Variants in SLCO1B1 observed in about 807,000 individuals in gnomAD.
The protein encoded by SLCO1B1 is solute carrier organic anion transporter family member 1B1.
SLCO1B1 carries 81 observed loss-of-function variants against 70.1 expected under a neutral mutation model. That is an observed-to-expected ratio of 1.16 (90% CI 0.97 to 1.39). The LOEUF (loss-of-function observed/expected upper bound fraction) is 1.39. Among genes scored for constraint, SLCO1B1 ranks in the 40% most tolerant of loss-of-function variants. SLCO1B1 has a pLI of 0.00. For missense variants in SLCO1B1, 895 were observed against 799.6 expected (o/e 1.12, Z -1.44); for synonymous variants, 283 against 271.5 (o/e 1.04, Z -0.42).
intron 7 of SLCO1B1, among the ~76,000 whole-genome samples, chr12:21,190,797 C>T (rs1213704558): frequency 3.3e-5 from 5 of 152,092 alleles, no homozygotes; most frequent in Admixed American, 6.6e-5. Flanking sequence ...TGAGTTACTT[C>T]ACTTAGAATA....
In SLCO1B1 at chr12:21,171,817, G is replaced by T. The variant is rs913396796; in HGVS notation, c.85-833G>T. 2.0e-5 allele frequency among the ~76,000 whole-genome samples: 3 copies of T among 152,104 alleles called. No homozygotes were observed. In the South Asian group the frequency reaches 6.2e-4, roughly 32 times the overall value. ...GTTTCCAGAAGGCCATATCCTCATTGTGTCATCACTTGGGGGTAGGGGAGA... is the reference window on the plus strand; with the variant it reads ...GTTTCCAGAAGGCCATATCCTCATTTTGTCATCACTTGGGGGTAGGGGAGA... On this transcript the variant is annotated intron_variant, in intron 2 of 14. Transcript: ENST00000256958.
chr12:21,232,715 A>AAGACAGAG (rs201999189), intron 14 of SLCO1B1, among the ~76,000 whole-genome samples: 2 of 150,108 alleles, frequency 1.3e-5, no homozygotes, highest in Non-Finnish European at 3.0e-5. Flanking sequence ...GAGAGACAGA[A>AAGACAGAG]AGACAGAGAG....
At chr12:21,207,618 T>C (rs1378307571) in intron 11 of SLCO1B1, among the ~76,000 whole-genome samples, 1 of 152,044 alleles carries the variant, frequency 6.6e-6, no homozygotes, top group African/African-American at 2.4e-5. Flanking sequence ...TAAGTAGATG[T>C]GTTTTTGGTA....
chr12:21,136,431 A>T (rs1300608553), intron 1 of SLCO1B1, among the ~76,000 whole-genome samples: 2 of 152,136 alleles, frequency 1.3e-5, no homozygotes, highest in Non-Finnish European at 2.9e-5. Flanking sequence ...AGTGTTTTCC[A>T]ACTTGGTTCC....
In SLCO1B1 at chr12:21,173,358, G is replaced by C. The variant is rs529076276; in HGVS notation, c.226+567G>C. Among the ~76,000 whole-genome samples, 4 of 151,966 alleles carry C rather than the reference G, an allele frequency of 2.6e-5. No homozygotes were observed. The East Asian group carries it at 5.8e-4, about 22-fold the overall frequency. On this transcript the variant is annotated intron_variant, in intron 3 of 14. Transcript: ENST00000256958. ...TTTCCCTATTAGTAATTTTTTTCTAGATAATTTATAAGATGAATATTAAAT... is the reference window on the plus strand; with the variant it reads ...TTTCCCTATTAGTAATTTTTTTCTACATAATTTATAAGATGAATATTAAAT...
intron 3 of SLCO1B1, among the ~76,000 whole-genome samples, chr12:21,174,223 A>T (rs1940791331): frequency 6.6e-6 from 1 of 152,184 alleles, no homozygotes; most frequent in South Asian, 2.1e-4. Context: ...TTCATGTTAG[A>T]AATTTAAATA....
At chr12:21,137,253 C>G (rs1940237667) in intron 1 of SLCO1B1, among the ~76,000 whole-genome samples, 1 of 152,150 alleles carries the variant, frequency 6.6e-6, no homozygotes, top group African/African-American at 2.4e-5. Flanking sequence ...TGGGGGGTGC[C>G]TCCCAGTTAG....
At chr12:21,225,420 C>A (rs61926242) in intron 14 of SLCO1B1, among the ~76,000 whole-genome samples, 1 of 151,938 alleles carries the variant, frequency 6.6e-6, no homozygotes, top group Non-Finnish European at 1.5e-5. Flanking sequence ...TTATACTTTA[C>A]CTCTTTAAAA....
chr12:21,141,789 A>G, intron 2 of SLCO1B1, 131 bp downstream of exon 2: 1 of 586,242 alleles, frequency 1.7e-6, no homozygotes. Flanking sequence ...TTGAAATATT[A>G]ACATAATGAT....
At chr12:21,185,855 C>T (rs1212113624) in intron 7 of SLCO1B1, among the ~76,000 whole-genome samples, 1 of 151,468 alleles carries the variant, frequency 6.6e-6, no homozygotes, top group Non-Finnish European at 1.5e-5. Context: ...AAAAGGAGAC[C>T]CAATTAAGCA....
intron 12 of SLCO1B1, among the ~76,000 whole-genome samples, chr12:21,219,061 T>C (rs575813839): frequency 6.6e-6 from 1 of 152,308 alleles, no homozygotes; most frequent in African/African-American, 2.4e-5. Flanking sequence ...ACAAAAGTGA[T>C]AGAACTTTAT....
chr12:21,199,184 T>C (rs1373899073), intron 8 of SLCO1B1, among the ~76,000 whole-genome samples: 1 of 152,170 alleles, frequency 6.6e-6, no homozygotes, highest in Non-Finnish European at 1.5e-5. Flanking sequence ...GTCTTAGTTC[T>C]GACCATATCT....
chr12:21,214,281 G>C (rs1020590241), intron 11 of SLCO1B1, among the ~76,000 whole-genome samples: 2 of 151,828 alleles, frequency 1.3e-5, no homozygotes, highest in Non-Finnish European at 1.5e-5. Flanking sequence ...CCTTCTAACA[G>C]ACAGGACCCT....
intron 1 of SLCO1B1, among the ~76,000 whole-genome samples, chr12:21,134,676 T>G (rs758477719): frequency 5.1e-4 from 77 of 152,168 alleles, no homozygotes; most frequent in Non-Finnish European, 8.1e-4. Flanking sequence ...GATCGGTGGT[T>G]ATATCCTCTT....
At chr12:21,149,366 T>G (rs1940435853) in intron 2 of SLCO1B1, among the ~76,000 whole-genome samples, 1 of 152,190 alleles carries the variant, frequency 6.6e-6, no homozygotes, top group Admixed American at 6.5e-5. Flanking sequence ...GGGTTTGTTA[T>G]AGATAGCTCT....
rs141467543 is a variant in SLCO1B1 at position 21,178,612 on chromosome 12, A to G, written c.518A>G (p.Tyr173Cys). Residue 173 changes from tyrosine (Y) to cysteine (C), a missense_variant, in exon 6 of 15, where the codon TAT (tyrosine) becomes TGT (cysteine). By Grantham distance (194) the Tyr-to-Cys change is radical. Transcript: ENST00000256958. Reference protein sequence around the residue: ...LKESGSYMWIYVFMGNMLRGI... With the variant: ...LKESGSYMWICVFMGNMLRGI... ...GAATCTGGGTCATACATGTGGATAT[A>G]TGTGTTCATGGGTAATATGCTTCGT... is the stretch of plus-strand genomic sequence containing the variant. The G allele has an allele frequency of 7.0e-5, 113 of 1,608,154 alleles. No individual in the cohort carries two copies. The African/African-American group carries it at 1.4e-3, about 20-fold the overall frequency.
intron 2 of SLCO1B1, among the ~76,000 whole-genome samples, chr12:21,153,798 T>C (rs889866386): frequency 3.9e-5 from 6 of 152,048 alleles, no homozygotes; most frequent in African/African-American, 1.4e-4. Context: ...TAATTCAATA[T>C]ATGGAGGACT....
At position 21,217,143 on chromosome 12, in the gene SLCO1B1, GA is replaced by G. The variant is rs1168909453; in HGVS notation, c.1524del (p.Val509Ter). 6.2e-7 allele frequency: 1 copy of G among 1,613,436 alleles called. No homozygotes were observed. Among genetic ancestry groups the G allele is most frequent in the African/African-American group, 1.3e-5 (1 of 75,026 alleles). ...PIVFYNCSCLEVTGLQNRNYS... is the reference protein window; with the variant it reads ...PIVFYNCSCLXVTGLQNRNYS... The stretch of plus-strand genomic sequence containing the variant: ...GGTGTTTTACAACTGCAGTTGTTTG[GA>G]AGTAACTGGTCTCCAGAACAGAAAT... On this transcript the variant is annotated frameshift_variant, in exon 12 of 15. Transcript: ENST00000256958. LOFTEE classifies it high-confidence loss of function.
chr12:21,170,617 G>C (rs1856133409), intron 2 of SLCO1B1, among the ~76,000 whole-genome samples: 1 of 152,124 alleles, frequency 6.6e-6, no homozygotes, highest in Admixed American at 6.6e-5. Flanking sequence ...GTCTAACTCT[G>C]TTGCCCCTTT....
Sources: gnomAD v4.1 joint callset for allele counts (sites outside exome capture counted in the v4.1 genomes callset) on GRCh38, gnomAD v4.1.1 for gene constraint, MANE v1.5 for transcripts, NCBI Gene and HGNC (gene_info 2026-07-23, HGNC 2026-07-21) for gene names.